ASPM: variants seen among roughly 807,000 people sequenced by gnomAD.
The protein encoded by ASPM is abnormal spindle-like microcephaly-associated protein.
ASPM carries 256 observed loss-of-function variants against 366.4 expected under a neutral mutation model. The observed-to-expected ratio is 0.70, with a 90% CI of 0.63 to 0.77. The LOEUF is 0.77. ASPM is among the 30% of genes least tolerant of loss of function. ASPM has a pLI of 0.00. For synonymous variants in ASPM, 1,414 were observed against 1,342.9 expected, an observed-to-expected ratio of 1.05 and a Z score of -1.16; for missense variants, 4,146 against 4,090.4, an observed-to-expected ratio of 1.01 and a Z score of -0.37.
chr1:197,144,352 T>G (rs139486100), intron 1 of ASPM, among the ~76,000 whole-genome samples: 1 of 152,174 alleles, frequency 6.6e-6, no homozygotes, highest in Non-Finnish European at 1.5e-5. Flanking sequence ...ATAGAACAGA[T>G]AGTCTCTAAA....
intron 10 of ASPM, among the ~76,000 whole-genome samples, chr1:197,125,848 G>T (rs929074592): frequency 2.0e-5 from 3 of 151,944 alleles, no homozygotes; most frequent in African/African-American, 7.3e-5. Flanking sequence ...CAAAAAGCTG[G>T]TAGAATTACT....
intron 1 of ASPM, 132 bp downstream of exon 1, chr1:197,146,009 A>G: frequency 8.5e-7 from 1 of 1,171,544 alleles, no homozygotes; most frequent in Non-Finnish European, 1.3e-6. Context: ...ATTGAGTGAA[A>G]GGGAACTGAC....
At chr1:197,120,637 A>G (rs1657879656) in intron 16 of ASPM, among the ~76,000 whole-genome samples, 1 of 152,176 alleles carries the variant, frequency 6.6e-6, no homozygotes, top group Admixed American at 6.6e-5. Flanking sequence ...ATTTAATGCA[A>G]TATACAATGG....
chr1:197,110,179 A>G (rs1176825297), intron 17 of ASPM, among the ~76,000 whole-genome samples: 1 of 152,120 alleles, frequency 6.6e-6, no homozygotes, highest in Non-Finnish European at 1.5e-5. Context: ...GCTTACTATA[A>G]AGCTGCAGTA....
rs75233924 is a variant in ASPM, at chr1:197,122,398, T to C, written c.3588A>G (p.Ala1196=). ...DDSSLDMSLK[A]FDHENTSELY... ...CCAAAAGGGACTAACCATGATCAAA[T>C]GCTTTAAGAGACATATCCAGAGAAC... The change falls in exon 14 of 28, where the codon GCA becomes GCG. Residue 1196 remains alanine, a synonymous_variant. Coordinates refer to ENST00000367409, the MANE Select transcript of ASPM (RefSeq NM_018136.5). 32 of 1,613,668 alleles carry C rather than the reference T, an allele frequency of 2.0e-5. No individual in the cohort carries two copies. In the Admixed American group the frequency reaches 2.7e-4, roughly 13 times the overall value.
chr1:197,127,217 T>C lies in ASPM; in HGVS notation c.2936+1273A>G, dbSNP rs775241278. On this transcript the variant is annotated intron_variant, in intron 10 of 27. Coordinates refer to ENST00000367409, the MANE Select transcript of ASPM (RefSeq NM_018136.5). ...AAAGAAATTAAAAAGTATATCCAAA[T>C]AGCTTCTTTCCTATTCAGTTGAGTT... 3.4e-4 allele frequency among the ~76,000 whole-genome samples: 51 copies of C among 152,204 alleles called. 1 individual carries two copies. Among genetic ancestry groups the C allele is most frequent in the South Asian group, 2.1e-4 (1 of 4,838 alleles).
At chr1:197,087,948 C>A (rs1468945355) in intron 26 of ASPM, among the ~76,000 whole-genome samples, 2 of 152,146 alleles carry the variant, frequency 1.3e-5, no homozygotes, top group Non-Finnish European at 2.9e-5. Flanking sequence ...ATTATGGTTA[C>A]AACAGGAGGA....
chr1:197,131,622 G>A (rs145474462), intron 7 of ASPM, among the ~76,000 whole-genome samples: 397 of 150,220 alleles, frequency 2.6e-3, no homozygotes, highest in African/African-American at 9.3e-3. Context: ...GCAGTCGTGC[G>A]ATCTCGGCTA....
Position 197,103,474 on chromosome 1 carries a change from A to G in ASPM, c.5777T>C (p.Val1926Ala). Residue 1926 changes from valine to alanine, a missense_variant, in exon 18 of 28, where the codon GTC becomes GCC. Val to Ala is a moderately conservative substitution (Grantham distance 64, BLOSUM62 0). This residue lies in a region of ASPM where 3,624 missense variants were observed against 3,591.7 expected (regional missense o/e 1.01). Coordinates refer to ENST00000367409, the MANE Select transcript of ASPM (RefSeq NM_018136.5). ...QFRLFKTAAL[V>A]IQQNFRAWTA... is the part of the protein sequence containing the mutation. ...CCATGCTCTGAAATTTTGCTGGATG[A>G]CTAATGCTGCTGTTTTAAACAATCT... is the stretch of plus-strand genomic sequence containing the variant. The G allele has an allele frequency of 6.2e-7, 1 of 1,613,284 alleles. No individual in the cohort carries two copies. Among genetic ancestry groups the G allele is most frequent in the Non-Finnish European group, 8.5e-7 (1 of 1,179,526 alleles).
At position 197,103,841 on chromosome 1, in the gene ASPM, C is replaced by CT. The variant is rs1461653803; in HGVS notation, c.5409dup (p.Ala1804SerfsTer13). 1.9e-6 allele frequency: 3 copies of CT among 1,612,814 alleles called. No individual in the cohort carries two copies. Among genetic ancestry groups the CT allele is most frequent in the East Asian group, 2.2e-5 (1 of 44,842 alleles). On this transcript the variant is annotated frameshift_variant, in exon 18 of 28. Transcript: ENST00000367409. LOFTEE classifies it high-confidence loss of function. ...TAAGCTGCTTGCAAGCAAGTAGCTGCTTTTTTGACTTGCAAGAAGTTCTTC... is the reference window on the plus strand; with the variant it reads ...TAAGCTGCTTGCAAGCAAGTAGCTGCTTTTTTTGACTTGCAAGAAGTTCTTC...
chr1:197,090,849 C>T lies in ASPM; in HGVS notation c.9636+1G>A. 1 of 1,611,418 alleles carries T rather than the reference C, an allele frequency of 6.2e-7. No homozygotes were observed. The highest frequency in any genetic ancestry group is 8.5e-7 in the Non-Finnish European group (1 of 1,178,200). On this transcript the variant is annotated splice_donor_variant, in intron 23 of 27. Coordinates refer to ENST00000367409, the MANE Select transcript of ASPM (RefSeq NM_018136.5). LOFTEE classifies it high-confidence loss of function. Reference sequence around the variant, plus strand: ...ACTAAAACTATACAAGTTTCAATTACCTGAATTTTAATGATTCCACTAGTG... The same window carrying T: ...ACTAAAACTATACAAGTTTCAATTATCTGAATTTTAATGATTCCACTAGTG...
At position 197,104,794 on chromosome 1, in the gene ASPM, T is replaced by C. The variant is rs368020945; in HGVS notation, c.4457A>G (p.Tyr1486Cys). ...AATGATAACAACACAAGATCTAATA[T>C]AAATATATTTCCGTAATTCTTTATG... ...RMHKELRKYI[Y>C]IRSCVVIIQK... The change falls in exon 18 of 28, where the codon TAT becomes TGT. Residue 1486 changes from tyrosine to cysteine, a missense_variant. Physicochemically the swap from Tyr to Cys is radical, Grantham distance 194. Transcript: ENST00000367409. The C allele has an allele frequency of 4.6e-5, 73 of 1,584,630 alleles. No homozygotes were observed. Among genetic ancestry groups the C allele is most frequent in the African/African-American group, 8.2e-5 (6 of 73,010 alleles).
At position 197,090,254 on chromosome 1, in the gene ASPM, AAGTG is replaced by A; in HGVS notation, c.9767_9770del (p.Ala3256ValfsTer5). 6.2e-7 allele frequency: 1 copy of A among 1,613,530 alleles called. No individual in the cohort carries two copies. The highest frequency in any genetic ancestry group is 8.5e-7 in the Non-Finnish European group (1 of 1,179,676). ...GGTGCTTATATGTCAAAAGGTAATG[AAGTG>A]CAAGTGCAGTTCTTTTGTAGAGTTT... is the stretch of plus-strand genomic sequence containing the variant. On this transcript the variant is annotated frameshift_variant, in exon 24 of 28. Transcript: ENST00000367409. LOFTEE classifies it high-confidence loss of function.
At position 197,128,163 on chromosome 1, in the gene ASPM, C is replaced by CA. The variant is rs76055388; in HGVS notation, c.2936+326dup. ...TGGGCAACAGAGCAAGACTCCGTCT[C>CA]AAAAAAAAAAAAAAGTGTTATTTCA... is the stretch of plus-strand genomic sequence containing the variant. On this transcript the variant is annotated intron_variant, in intron 10 of 27. Transcript: ENST00000367409. Among the ~76,000 whole-genome samples, 661 of 119,410 alleles carry CA rather than the reference C, an allele frequency of 5.5e-3. 4 individuals carry two copies. Among genetic ancestry groups the CA allele is most frequent in the Middle Eastern group, 0.013 (3 of 232 alleles). The allele number at this position is 119,410 out of a possible 152,430, so 78.3% of individuals were successfully genotyped here.
Position 197,146,547 on chromosome 1 carries a change from G to A in ASPM, c.-110C>T, listed in dbSNP as rs74981632. The A allele has an allele frequency of 4.1e-3, 4,981 of 1,207,626 alleles. 162 individuals carry two copies. The African/African-American group carries it at 0.066, about 16-fold the overall frequency. The allele number at this position is 1,207,626 out of a possible 1,614,324, so 74.8% of individuals were successfully genotyped here. On this transcript the variant is annotated 5_prime_UTR_variant, in exon 1 of 28. Transcript: ENST00000367409. ...GCTTCCCCTCAGGGGCGGCTGTAGA[G>A]GTCGTGGGAGTGAATTCGGCCCTTT...
At position 197,100,848 on chromosome 1, in the gene ASPM, A is replaced by T; in HGVS notation, c.8403T>A (p.Ser2801=). The T allele has an allele frequency of 6.2e-6, 10 of 1,612,686 alleles. No homozygotes were observed. The highest frequency in any genetic ancestry group is 8.5e-6 in the Non-Finnish European group (10 of 1,179,144). ...GVMIQEWYKA[S]GLACSQEAEY... is the part of the protein sequence containing the mutation. ...CTGCTTCCTGTGAACAAGCAAGGCC[A>T]GAAGCTTTATACCACTCTTGAATCA... Residue 2801 remains serine (S), a synonymous_variant, in exon 18 of 28, where the codon TCT becomes TCA. Transcript: ENST00000367409.
At position 197,101,024 on chromosome 1, in the gene ASPM, G is replaced by A. The variant is rs774702591; in HGVS notation, c.8227C>T (p.Arg2743Ter). 6 of 1,611,892 alleles carry A rather than the reference G, an allele frequency of 3.7e-6. No homozygotes were observed. Among genetic ancestry groups the A allele is most frequent in the African/African-American group, 2.7e-5 (2 of 74,704 alleles). ...KNFLAVQKSV[R>*]TIQAAFRGMK... ...CCTCTAAAAGCAGCCTGAATAGTTCGTACAGATTTCTGAACTGCTAAAAAG... is the reference window on the plus strand; with the variant it reads ...CCTCTAAAAGCAGCCTGAATAGTTCATACAGATTTCTGAACTGCTAAAAAG... Residue 2743 changes from arginine to a stop codon, truncating the protein, a stop_gained, in exon 18 of 28, where the codon CGA (arginine) becomes TGA (stop). Transcript: ENST00000367409. LOFTEE classifies it high-confidence loss of function.
chr1:197,122,230 C>T lies in ASPM; in HGVS notation c.3670G>A (p.Val1224Ile), dbSNP rs2125104292. The T allele has an allele frequency of 6.2e-7, 1 of 1,612,354 alleles. No homozygotes were observed. The highest frequency in any genetic ancestry group is 2.2e-5 in the East Asian group (1 of 44,854). Residue 1224 changes from valine (V) to isoleucine (I), a missense_variant, in exon 15 of 28, where the codon GTT (valine) becomes ATT (isoleucine). Around this residue, in one of 3 missense-constraint regions of ASPM, gnomAD observed 3,624 missense variants for 3,591.7 expected, o/e 1.01. Coordinates refer to ENST00000367409, the MANE Select transcript of ASPM (RefSeq NM_018136.5). ...KKNFHLVRSA[V>I]RDLGGIPAMI... ...GCAGGTATTCCACCAAGGTCTCTAA[C>T]TGCAGACCTAACCAAGTGAAAATTT... is the stretch of plus-strand genomic sequence containing the variant.
rs138333401 is a variant in ASPM at position 197,109,121 on chromosome 1, GA to G, written c.4066-3937del. On this transcript the variant is annotated intron_variant, in intron 17 of 27. Coordinates refer to ENST00000367409, the MANE Select transcript of ASPM (RefSeq NM_018136.5). ...ACAATTATGTCAAGTAAAAAAAGAG[GA>G]AAAAAATAAAATAAAATAGAAATTT... Among the ~76,000 whole-genome samples, 9 of 151,354 alleles carry G rather than the reference GA, an allele frequency of 5.9e-5. No homozygotes were observed. In the South Asian group the frequency reaches 1.7e-3, roughly 28 times the overall value.
Sources: allele counts gnomAD v4.1 joint callset (sites outside exome capture counted in the v4.1 genomes callset), GRCh38; gene constraint gnomAD v4.1.1; regional missense constraint gnomAD v4.1.1; transcripts MANE v1.5; gene names NCBI Gene and HGNC (gene_info 2026-07-23, HGNC 2026-07-21).